The following KCNN2 variants were observed in gnomAD, a reference collection of about 807,000 sequenced individuals.
KCNN2 encodes the protein potassium calcium-activated channel subfamily N member 2.
In KCNN2, 24 loss-of-function variants were observed where a neutral mutation model predicts 55.5. The ratio of observed to expected loss-of-function variants is 0.43; its 90% CI spans 0.31 to 0.61. The LOEUF is 0.61. KCNN2 is among the 20% of genes least tolerant of loss of function. KCNN2 has a pLI of 0.08. For missense variants in KCNN2, 754 were observed against 853.6 expected (o/e 0.88, Z 1.45); for synonymous variants, 431 against 336.1 (o/e 1.28, Z -3.09).
intron 2 of KCNN2, among the ~76,000 whole-genome samples, chr5:114,241,480 C>A (rs72797693): frequency 6.6e-6 from 1 of 150,892 alleles, no homozygotes; most frequent in Non-Finnish European, 1.5e-5. Flanking sequence ...CTAAAATATA[C>A]CAAAATGGAG....
intron 2 of KCNN2, among the ~76,000 whole-genome samples, chr5:114,235,926 GA>G (rs1754481816): frequency 6.6e-6 from 1 of 152,188 alleles, no homozygotes; most frequent in Non-Finnish European, 1.5e-5. Flanking sequence ...GGTTGGGGGA[GA>G]AAACTAATCA....
At chr5:114,234,102 T>G (rs1754422802) in intron 2 of KCNN2, among the ~76,000 whole-genome samples, 1 of 152,136 alleles carries the variant, frequency 6.6e-6, no homozygotes, top group African/African-American at 2.4e-5. Context: ...TATAACAGTC[T>G]CCTTTTATTT....
intron 2 of KCNN2, among the ~76,000 whole-genome samples, chr5:114,229,564 C>A (rs1361066377): frequency 6.6e-6 from 1 of 151,482 alleles, no homozygotes; most frequent in African/African-American, 2.4e-5. Context: ...ATCAGAGTAC[C>A]AGGTTCATAT....
At chr5:114,479,274 G>A (rs1168078771) in intron 5 of KCNN2, among the ~76,000 whole-genome samples, 1 of 149,854 alleles carries the variant, frequency 6.7e-6, no homozygotes, top group African/African-American at 2.4e-5. Flanking sequence ...CCTAGTTCCT[G>A]ACAAAAGAGA....
intron 2 of KCNN2, among the ~76,000 whole-genome samples, chr5:114,350,577 T>C (rs1757189261): frequency 6.6e-6 from 1 of 151,966 alleles, no homozygotes; most frequent in East Asian, 1.9e-4. Flanking sequence ...GCTTTGAGTT[T>C]TACAGTTTAT....
intron 3 of KCNN2, among the ~76,000 whole-genome samples, chr5:114,446,603 A>T (rs564094622): frequency 6.6e-6 from 1 of 152,106 alleles, no homozygotes; most frequent in South Asian, 2.1e-4. Context: ...AATTACAGGC[A>T]TGCACCTCTG....
At chr5:114,142,171 A>G (rs1472495487) in intron 1 of KCNN2, among the ~76,000 whole-genome samples, 10 of 152,092 alleles carry the variant, frequency 6.6e-5, no homozygotes, top group Non-Finnish European at 1.0e-4. Context: ...TTTTGTTGCC[A>G]TTGCTTTTGG....
intron 1 of KCNN2, among the ~76,000 whole-genome samples, chr5:114,090,297 G>T (rs1177437790): frequency 3.9e-5 from 6 of 152,070 alleles, no homozygotes; most frequent in Non-Finnish European, 8.8e-5. Context: ...TTCTTTTAAG[G>T]TATCTTCTGT....
At chr5:114,099,965 A>G (rs1751341310) in intron 1 of KCNN2, among the ~76,000 whole-genome samples, 1 of 151,988 alleles carries the variant, frequency 6.6e-6, no homozygotes, top group Admixed American at 6.6e-5. Flanking sequence ...AGGATATGAG[A>G]TGCTCAATGT....
intron 1 of KCNN2, among the ~76,000 whole-genome samples, chr5:114,102,241 G>C (rs985937048): frequency 9.2e-5 from 14 of 151,740 alleles, no homozygotes; most frequent in African/African-American, 2.7e-4. Context: ...CTTTTGAAAA[G>C]TGTCTGTTCA....
chr5:114,228,053 A>G (rs6898328), intron 2 of KCNN2, among the ~76,000 whole-genome samples: 128,573 of 151,898 alleles, frequency 0.85, 54,482 homozygotes, highest in East Asian at 0.9. Flanking sequence ...AGATGATGAT[A>G]AAGTTCCAAG....
intron 1 of KCNN2, among the ~76,000 whole-genome samples, chr5:114,214,009 T>A (rs887023546): frequency 6.6e-6 from 1 of 152,022 alleles, no homozygotes; most frequent in Admixed American, 6.6e-5. Flanking sequence ...TTACCTAATT[T>A]CATCCTCACA....
rs866707632 is a variant in KCNN2, at chr5:114,465,381, G to T, written c.1779+2191G>T. The stretch of plus-strand genomic sequence containing the variant: ...TAATCCCAACACTTTGGGAGGCCGA[G>T]GCAGGTGGATCACCTGAGGTTGGGA... On this transcript the variant is annotated intron_variant, in intron 4 of 7. Coordinates refer to ENST00000673685, the MANE Select transcript of KCNN2 (RefSeq NM_021614.4). Among the ~76,000 whole-genome samples the T allele has an allele frequency of 2.2e-3, 339 of 152,264 alleles. 4 individuals carry two copies. The highest frequency in any genetic ancestry group is 7.9e-3 in the African/African-American group (328 of 41,552).
intron 2 of KCNN2, among the ~76,000 whole-genome samples, chr5:114,367,946 G>T (rs1757651133): frequency 6.6e-6 from 1 of 152,184 alleles, no homozygotes; most frequent in Admixed American, 6.5e-5. Flanking sequence ...AAGAATGGCA[G>T]ATGATATACT....
chr5:114,421,451 C>T (rs1303680358), intron 3 of KCNN2, among the ~76,000 whole-genome samples: 5 of 151,730 alleles, frequency 3.3e-5, no homozygotes, highest in East Asian at 1.9e-4. Context: ...CCACCATGCC[C>T]GGCTAATTTT....
At chr5:114,250,266 G>C (rs969652584) in intron 2 of KCNN2, among the ~76,000 whole-genome samples, 3 of 152,114 alleles carry the variant, frequency 2.0e-5, no homozygotes, top group Admixed American at 6.5e-5. Flanking sequence ...TATCCCCAAA[G>C]TCAGCATGAT....
chr5:114,183,792 A>G (rs1197355000), intron 1 of KCNN2, among the ~76,000 whole-genome samples: 1 of 151,660 alleles, frequency 6.6e-6, no homozygotes, highest in African/African-American at 2.4e-5. Flanking sequence ...GATCTTTTCC[A>G]ATAACCAACC....
At chr5:114,312,424 CACACACACACATATATATAT>C (rs1374429432) in intron 2 of KCNN2, among the ~76,000 whole-genome samples, 55 of 60,188 alleles carry the variant, frequency 9.1e-4, no homozygotes, top group South Asian at 2.2e-3. Context: ...CACACACACA[CACACACACACATATATATAT>C]ATATATATAT....
At chr5:114,129,249 G>A (rs924074023) in intron 1 of KCNN2, among the ~76,000 whole-genome samples, 10 of 152,086 alleles carry the variant, frequency 6.6e-5, no homozygotes, top group Admixed American at 2.0e-4. Flanking sequence ...AAACCCAGCT[G>A]GTATCCAAAG....
Sources: allele counts gnomAD v4.1 joint callset (sites outside exome capture counted in the v4.1 genomes callset), GRCh38; gene constraint gnomAD v4.1.1; transcripts MANE v1.5; gene names NCBI Gene and HGNC (gene_info 2026-07-23, HGNC 2026-07-21).